VPS37A: variants seen among roughly 807,000 people sequenced by gnomAD.
VPS37A encodes the protein VPS37A subunit of ESCRT-I.
VPS37A carries 30 observed loss-of-function variants against 49.8 expected under a neutral mutation model. The observed-to-expected ratio is 0.60, with a 90% CI of 0.45 to 0.82. The LOEUF (loss-of-function observed/expected upper bound fraction) is 0.82. Among genes scored for constraint, VPS37A ranks in the 40% least tolerant of loss-of-function variants. VPS37A has a pLI of 0.00. For synonymous variants in VPS37A, 195 were observed against 160.6 expected (o/e 1.21, Z -1.62); for missense variants, 593 against 464.4 (o/e 1.28, Z -2.55).
Position 17,280,356 on chromosome 8 carries a change from T to G in VPS37A, c.901-19T>G. 1 of 1,602,390 alleles carries G rather than the reference T, an allele frequency of 6.2e-7. No homozygotes were observed. Among genetic ancestry groups the G allele is most frequent in the Non-Finnish European group, 8.5e-7 (1 of 1,176,312 alleles). On this transcript the variant is annotated intron_variant, in intron 8 of 11. Coordinates refer to ENST00000324849, the MANE Select transcript of VPS37A (RefSeq NM_152415.3). Reference sequence around the variant, plus strand: ...AATTTAAAAATAGAATAAAACAACCTTTTCATTTTCTCTTTTAGTATGAAT... The same window carrying G: ...AATTTAAAAATAGAATAAAACAACCGTTTCATTTTCTCTTTTAGTATGAAT...
At chr8:17,324,760 A>G in the VPS37A span, among the ~76,000 whole-genome samples, 1 of 152,194 alleles carries the variant, frequency 6.6e-6, no homozygotes, top group Non-Finnish European at 1.5e-5. Context: ...TGGGTTTTCT[A>G]TGTGGAAACC....
downstream of VPS37A, chr8:17,304,521 T>C (rs1817325150): frequency 6.2e-7 from 1 of 1,612,740 alleles, no homozygotes; most frequent in Non-Finnish European, 8.5e-7. Flanking sequence ...TCTTGAATCC[T>C]GTTATAAAGA....
At chr8:17,273,645 C>G (rs761083309) in intron 4 of VPS37A, among the ~76,000 whole-genome samples, 23 of 152,128 alleles carry the variant, frequency 1.5e-4, no homozygotes, top group Non-Finnish European at 2.6e-4. Flanking sequence ...GGATTACAGG[C>G]GTGTATTAGG....
intron 1 of VPS37A, among the ~76,000 whole-genome samples, chr8:17,261,609 A>G (rs1038245491): frequency 6.6e-6 from 1 of 151,296 alleles, no homozygotes; most frequent in Non-Finnish European, 1.5e-5. Flanking sequence ...GGTTTTATTG[A>G]ATGTATTTGC....
the VPS37A span, among the ~76,000 whole-genome samples, chr8:17,310,485 G>A: frequency 6.6e-6 from 1 of 152,156 alleles, no homozygotes; most frequent in African/African-American, 2.4e-5. Context: ...AGTTGATGAT[G>A]GAAACGCATG....
the VPS37A span, among the ~76,000 whole-genome samples, chr8:17,325,365 T>C: frequency 6.6e-6 from 1 of 152,178 alleles, no homozygotes; most frequent in Non-Finnish European, 1.5e-5. Flanking sequence ...CCATCAGGCC[T>C]CAAAACCTTT....
chr8:17,275,434 A>G (rs1814429768), intron 5 of VPS37A, among the ~76,000 whole-genome samples: 1 of 152,216 alleles, frequency 6.6e-6, no homozygotes. Context: ...GAGAGGCAGT[A>G]ACATTGTCAA....
rs909646606 is a variant in VPS37A, at chr8:17,296,643, A to G, written c.*1657A>G. Reference sequence around the variant, plus strand: ...TTAATTCATTTGATCTATCTATGTTATTAAGTACCTACTAGGAATAAGGCA... The same window carrying G: ...TTAATTCATTTGATCTATCTATGTTGTTAAGTACCTACTAGGAATAAGGCA... On this transcript the variant is annotated 3_prime_UTR_variant, in exon 12 of 12. Coordinates refer to ENST00000324849, the MANE Select transcript of VPS37A (RefSeq NM_152415.3). 1 of 152,202 alleles carries G rather than the reference A, an allele frequency of 6.6e-6. No homozygotes were observed. Among genetic ancestry groups the G allele is most frequent in the Non-Finnish European group, 1.5e-5 (1 of 68,032 alleles). The allele number at this position is 152,202 out of a possible 1,614,324, so 9.4% of individuals were successfully genotyped here. A position where few individuals can be genotyped will look rare whatever the true frequency, so the allele number is the denominator to read the frequency against.
At chr8:17,261,883 C>A (rs1485769995) in intron 1 of VPS37A, among the ~76,000 whole-genome samples, 2 of 152,118 alleles carry the variant, frequency 1.3e-5, no homozygotes, top group Non-Finnish European at 1.5e-5. Flanking sequence ...AGGGCAGTTT[C>A]CAGGGTTGAG....
chr8:17,325,737 GCA>G, the VPS37A span, among the ~76,000 whole-genome samples: 1 of 151,880 alleles, frequency 6.6e-6, no homozygotes, highest in African/African-American at 2.4e-5. Context: ...TGCGCTGATT[GCA>G]CACAGACCCT....
At chr8:17,247,428 C>A in intron 1 of VPS37A, 59 bp downstream of exon 1, 1 of 1,517,638 alleles carries the variant, frequency 6.6e-7, no homozygotes, top group Non-Finnish European at 8.8e-7. Flanking sequence ...CGGGCTTGTC[C>A]TAACCACCCT....
At chr8:17,325,296 C>T in the VPS37A span, among the ~76,000 whole-genome samples, 216 of 152,260 alleles carry the variant, frequency 1.4e-3, 2 homozygotes, top group East Asian at 0.036. Context: ...GTGCCTCCCA[C>T]GACAACTCCA....
chr8:17,297,129 A>G lies in VPS37A; in HGVS notation c.*2143A>G, dbSNP rs751094339. ...CCACAGGAAAAATGAAATGCATGTG[A>G]AAGTTTGTATTCTGATTTTACAAGA... On this transcript the variant is annotated 3_prime_UTR_variant, in exon 12 of 12. Transcript: ENST00000324849. 1 of 152,186 alleles carries G rather than the reference A, an allele frequency of 6.6e-6. No individual in the cohort carries two copies. The highest frequency in any genetic ancestry group is 2.4e-5 in the African/African-American group (1 of 41,440). The allele number at this position is 152,186 out of a possible 1,614,324, so 9.4% of individuals were successfully genotyped here.
At chr8:17,264,788 C>T (rs572403610) in intron 1 of VPS37A, among the ~76,000 whole-genome samples, 1 of 152,272 alleles carries the variant, frequency 6.6e-6, no homozygotes, top group South Asian at 2.1e-4. Context: ...GCTTCCTCTG[C>T]AACCTCACCT....
rs1403740790 is a variant in VPS37A, at chr8:17,268,325, T to G, written c.268T>G (p.Leu90Val). The change falls in exon 3 of 12, where the codon TTA becomes GTA. Residue 90 changes from leucine to valine, a missense_variant. Physicochemically the swap from Leu to Val is conservative, Grantham distance 32 (BLOSUM62 1). Transcript: ENST00000324849. ...ISVYPPIRHH[L>V]MDKQGVYVTS... ...TGTTTATCCACCAATACGACATCAC[T>G]TAATGGATAAACAAGGAGTGTATGT... The G allele has an allele frequency of 6.2e-7, 1 of 1,613,380 alleles. No individual in the cohort carries two copies. Among genetic ancestry groups the G allele is most frequent in the Non-Finnish European group, 8.5e-7 (1 of 1,179,766 alleles).
intron 9 of VPS37A, among the ~76,000 whole-genome samples, chr8:17,281,131 T>C (rs1815017640): frequency 6.6e-6 from 1 of 152,014 alleles, no homozygotes; most frequent in Admixed American, 6.6e-5. Context: ...AATACGGTCA[T>C]TTGTCAGAAT....
At chr8:17,252,896 G>A (rs575289651) in intron 1 of VPS37A, among the ~76,000 whole-genome samples, 1 of 152,282 alleles carries the variant, frequency 6.6e-6, no homozygotes, top group Non-Finnish European at 1.5e-5. Flanking sequence ...CTGTGTAAAT[G>A]CACTTTGAGC....
At chr8:17,247,903 G>C (rs1296761758) in intron 1 of VPS37A, 6 of 633,706 alleles carry the variant, frequency 9.5e-6, no homozygotes, top group East Asian at 5.5e-5. Context: ...GATTTACCCT[G>C]TTGGAGCAGT....
At chr8:17,317,303 G>T in the VPS37A span, among the ~76,000 whole-genome samples, 6 of 152,164 alleles carry the variant, frequency 3.9e-5, no homozygotes, top group Admixed American at 3.3e-4. Flanking sequence ...TGCTATGGGG[G>T]ATTTGGCCAA....
Sources: gnomAD v4.1 joint callset for allele counts (sites outside exome capture counted in the v4.1 genomes callset) on GRCh38, gnomAD v4.1.1 for gene constraint, MANE v1.5 for transcripts, NCBI Gene and HGNC (gene_info 2026-07-23, HGNC 2026-07-21) for gene names.